The following HIP1 variants were observed in gnomAD, a reference collection of about 807,000 sequenced individuals.
HIP1 encodes the protein huntingtin interacting protein 1.
HIP1 carries 65 observed loss-of-function variants against 147.6 expected under a neutral mutation model. The observed-to-expected ratio is 0.44, with a 90% CI of 0.36 to 0.54. The LOEUF is 0.54. Among genes scored for constraint, HIP1 ranks in the 20% least tolerant of loss-of-function variants. The pLI is 0.00. For missense variants in HIP1, 1,061 were observed against 1,299.6 expected, an observed-to-expected ratio of 0.82 and a Z score of 2.82; for synonymous variants, 479 against 504.0, an observed-to-expected ratio of 0.95 and a Z score of 0.67.
rs201762896 is a variant in HIP1 at position 75,543,342 on chromosome 7, GAT to G, written c.2767-370_2767-369del. Among the ~76,000 whole-genome samples, 503 of 152,206 alleles carry G rather than the reference GAT, an allele frequency of 3.3e-3. 5 individuals carry two copies. Among genetic ancestry groups the G allele is most frequent in the African/African-American group, 0.012 (479 of 41,546 alleles). On this transcript the variant is annotated intron_variant, in intron 27 of 30. Transcript: ENST00000336926. The stretch of plus-strand genomic sequence containing the variant: ...ATGAGAATCAGTTGGGGGCATTGAT[GAT>G]ATTGATTCAAAAAATAATTTTTTTT...
At chr7:75,721,405 A>T (rs896153485) in intron 1 of HIP1, among the ~76,000 whole-genome samples, 1 of 151,822 alleles carries the variant, frequency 6.6e-6, no homozygotes, top group Admixed American at 6.6e-5. Context: ...AGTGCCACAC[A>T]TCTGTAGTCC....
intron 2 of HIP1, among the ~76,000 whole-genome samples, chr7:75,595,875 G>T (rs1430566506): frequency 6.6e-6 from 1 of 152,146 alleles, no homozygotes; most frequent in African/African-American, 2.4e-5. Flanking sequence ...TGTGTAAGCA[G>T]CATTTCTGAA....
intron 1 of HIP1, among the ~76,000 whole-genome samples, chr7:75,723,243 G>A (rs920474440): frequency 2.0e-5 from 3 of 152,084 alleles, no homozygotes; most frequent in Middle Eastern, 3.4e-3. Context: ...GTGGTGGTGC[G>A]TCCCTGTAAT....
At chr7:75,699,575 C>A (rs534856245) in intron 1 of HIP1, among the ~76,000 whole-genome samples, 2 of 152,192 alleles carry the variant, frequency 1.3e-5, no homozygotes, top group Non-Finnish European at 2.9e-5. Flanking sequence ...GAACACGGCA[C>A]GGGCCAAACA....
At chr7:75,679,507 A>T (rs1367965921) in intron 1 of HIP1, among the ~76,000 whole-genome samples, 3 of 152,142 alleles carry the variant, frequency 2.0e-5, no homozygotes, top group Non-Finnish European at 4.4e-5. Flanking sequence ...CCCAGCCAAC[A>T]ATGAATCTCT....
chr7:75,723,571 C>T (rs1437022721), intron 1 of HIP1, among the ~76,000 whole-genome samples: 2 of 110,924 alleles, frequency 1.8e-5, no homozygotes, highest in African/African-American at 6.2e-5. Flanking sequence ...CCGAGGTCCC[C>T]GTCTCCTTGC....
intron 1 of HIP1, among the ~76,000 whole-genome samples, chr7:75,690,270 TCACA>T (rs66973060): frequency 0.54 from 80,055 of 149,454 alleles, 22,579 homozygotes; most frequent in African/African-American, 0.73. Flanking sequence ...TGAGACTTTG[TCACA>T]CACACACACA....
intron 1 of HIP1, among the ~76,000 whole-genome samples, chr7:75,658,905 A>G (rs1799220337): frequency 6.6e-6 from 1 of 152,088 alleles, no homozygotes. Flanking sequence ...AAAAAACCAC[A>G]CACATACACA....
At chr7:75,544,903 G>A (rs1429422026) in intron 26 of HIP1, 103 bp from the exon 27 acceptor site, 2 of 832,384 alleles carry the variant, frequency 2.4e-6, no homozygotes, top group African/African-American at 1.7e-5. Context: ...TAAACAGGGA[G>A]GGGAGGCTGC....
intron 1 of HIP1, among the ~76,000 whole-genome samples, chr7:75,664,137 T>C (rs528590611): frequency 8.8e-5 from 2 of 22,702 alleles, no homozygotes; most frequent in Admixed American, 1.2e-3. Context: ...CACATGTGTG[T>C]ACATACATAC....
rs1554498729 is a variant in HIP1, at chr7:75,582,116, G to T, written c.501C>A (p.Asp167Glu). 1 of 1,614,058 alleles carries T rather than the reference G, an allele frequency of 6.2e-7. No individual in the cohort carries two copies. The highest frequency in any genetic ancestry group is 8.5e-7 in the Non-Finnish European group (1 of 1,179,982). Reference protein sequence around the residue: ...PRFPGNLQMSDRQLDEAGESD... With the variant: ...PRFPGNLQMSERQLDEAGESD... ...TTTCTCCAGCCTCGTCCAGCTGGCG[G>T]TCACTCATCTGCAGGTTGCCTGGGA... Residue 167 changes from aspartate to glutamate, a missense_variant, in exon 6 of 31, where the codon GAC becomes GAA. Coordinates refer to ENST00000336926, the MANE Select transcript of HIP1 (RefSeq NM_005338.7).
chr7:75,707,681 A>G (rs1416547220), intron 1 of HIP1, among the ~76,000 whole-genome samples: 1 of 149,234 alleles, frequency 6.7e-6, no homozygotes, highest in East Asian at 1.9e-4. Context: ...GAGGCATCAC[A>G]CTACCTGACT....
rs190642139 is a variant in HIP1 at position 75,648,206 on chromosome 7, C to T, written c.121-48959G>A. On this transcript the variant is annotated intron_variant, in intron 1 of 30. Coordinates refer to ENST00000336926, the MANE Select transcript of HIP1 (RefSeq NM_005338.7). The stretch of plus-strand genomic sequence containing the variant: ...AGTAGCTGAGGGCTGGATGGAGTAG[C>T]TGAGAGTGGTTGAAGTAGCTGGGAC... Among the ~76,000 whole-genome samples, 5 of 151,674 alleles carry T rather than the reference C, an allele frequency of 3.3e-5. No homozygotes were observed. In the East Asian group the frequency reaches 9.7e-4, roughly 29 times the overall value.
chr7:75,636,994 C>T (rs943306546), intron 1 of HIP1, among the ~76,000 whole-genome samples: 1 of 152,172 alleles, frequency 6.6e-6, no homozygotes, highest in African/African-American at 2.4e-5. Flanking sequence ...CTACCCCACC[C>T]AACCTCCAAG....
At chr7:75,550,080 G>C (rs1395427763) in intron 22 of HIP1, among the ~76,000 whole-genome samples, 1 of 152,160 alleles carries the variant, frequency 6.6e-6, no homozygotes, top group Non-Finnish European at 1.5e-5. Context: ...AGGAAGCCAG[G>C]GATCAGAGGT....
intron 16 of HIP1, 128 bp downstream of exon 16, chr7:75,557,525 TG>T (rs1795061331): frequency 9.6e-6 from 7 of 730,890 alleles, no homozygotes; most frequent in Non-Finnish European, 1.7e-5. Context: ...GTGGCCACCA[TG>T]GTGTGCTCCC....
chr7:75,556,720 G>A lies in HIP1; in HGVS notation c.1673C>T (p.Thr558Ile). 18 of 1,607,956 alleles carry A rather than the reference G, an allele frequency of 1.1e-5. No individual in the cohort carries two copies. The highest frequency in any genetic ancestry group is 2.2e-5 in the East Asian group (1 of 44,820). Residue 558 changes from threonine (T) to isoleucine (I), a missense_variant, in exon 17 of 31, where the codon ACT becomes ATT. By Grantham distance (89) the Thr-to-Ile change is moderately conservative (BLOSUM62 -1). Coordinates refer to ENST00000336926, the MANE Select transcript of HIP1 (RefSeq NM_005338.7). ...AAAGGAGGTATTTACCTGGGCAGAA[G>A]TTTCCAGGCTGCCTTGCAGAACCTG... ...ELQVLQGSLE[T>I]SAQSEANWAA...
intron 5 of HIP1, among the ~76,000 whole-genome samples, chr7:75,584,256 G>A (rs1796170786): frequency 6.6e-6 from 1 of 151,146 alleles, no homozygotes; most frequent in Non-Finnish European, 1.5e-5. Context: ...GAGCCACCGC[G>A]CCTGGCCAAA....
intron 1 of HIP1, among the ~76,000 whole-genome samples, chr7:75,736,961 C>T (rs1168364732): frequency 2.6e-5 from 4 of 151,716 alleles, no homozygotes; most frequent in Non-Finnish European, 5.9e-5. Context: ...CTCACTCTGT[C>T]ACCCAGGCTG....
Sources: allele counts gnomAD v4.1 joint callset (sites outside exome capture counted in the v4.1 genomes callset), GRCh38; gene constraint gnomAD v4.1.1; transcripts MANE v1.5; gene names NCBI Gene and HGNC (gene_info 2026-07-23, HGNC 2026-07-21).